The following BBS5 variants were observed in gnomAD, a reference collection of about 807,000 sequenced individuals.
BBS5 encodes the protein Bardet-Biedl syndrome 5.
In BBS5, 39 loss-of-function variants were observed where a neutral mutation model predicts 50.2. That is an observed-to-expected ratio of 0.78 (90% CI 0.60 to 1.01). BBS5 has a LOEUF of 1.01. Ranked by LOEUF, BBS5 falls within the 50% of genes least tolerant of loss-of-function variation. The probability of loss-of-function intolerance (pLI) is 0.00; values close to 1 mark genes in which losing one functional copy is unlikely to be tolerated. For missense variants in BBS5, 356 were observed against 401.5 expected (o/e 0.89, Z 0.97); for synonymous variants, 134 against 133.1 (o/e 1.01, Z -0.05).
At position 169,504,334 on chromosome 2, in the gene BBS5, C is replaced by T. The variant is rs372800671; in HGVS notation, c.924+8C>T. On this transcript the variant is annotated splice_region_variant and intron_variant, in intron 11 of 11. Transcript: ENST00000295240. ...TTTGCTGATGGCAATAAGGTAAGGA[C>T]ATTTATTTTACCTACAGTATATGAA... 1 of 1,611,858 alleles carries T rather than the reference C, an allele frequency of 6.2e-7. No individual in the cohort carries two copies. The highest frequency in any genetic ancestry group is 8.5e-7 in the Non-Finnish European group (1 of 1,178,032).
intron 5 of BBS5, among the ~76,000 whole-genome samples, chr2:169,492,101 A>G (rs1188404242): frequency 4.6e-5 from 7 of 152,026 alleles, no homozygotes; most frequent in Non-Finnish European, 8.8e-5. Context: ...CCGGCCGAGA[A>G]AAAGTATTAA....
intron 5 of BBS5, among the ~76,000 whole-genome samples, chr2:169,490,351 G>A (rs1238662154): frequency 2.0e-5 from 3 of 151,644 alleles, no homozygotes; most frequent in East Asian, 1.9e-4. Flanking sequence ...CTGCCACCAC[G>A]CCCGGCTAAT....
rs1683858715 is a variant in BBS5 at position 169,504,199 on chromosome 2, A to G, written c.901-104A>G. 18 of 1,014,022 alleles carry G rather than the reference A, an allele frequency of 1.8e-5. No individual in the cohort carries two copies. The Admixed American group carries it at 2.5e-4, about 14-fold the overall frequency. 62.8% of individuals were successfully genotyped at this position (1,014,022 alleles called of 1,614,324 possible). A position where few individuals can be genotyped will look rare whatever the true frequency, so the allele number is the denominator to read the frequency against. On this transcript the variant is annotated intron_variant, in intron 10 of 11. Coordinates refer to ENST00000295240, the MANE Select transcript of BBS5 (RefSeq NM_152384.3). ...ATTACACAGTAACAGAATGTGAAATACATTTAGTTATAAAATCATTCTGCA... is the reference window on the plus strand; with the variant it reads ...ATTACACAGTAACAGAATGTGAAATGCATTTAGTTATAAAATCATTCTGCA...
chr2:169,486,417 A>G (rs1256287501), intron 2 of BBS5, among the ~76,000 whole-genome samples: 1 of 152,158 alleles, frequency 6.6e-6, no homozygotes, highest in African/African-American at 2.4e-5. Context: ...TTCTTGGAGC[A>G]TCAGTAAGAG....
intron 4 of BBS5, 45 bp from the exon 5 acceptor site, chr2:169,487,940 GAA>G: frequency 2.5e-6 from 4 of 1,608,510 alleles, no homozygotes; most frequent in Non-Finnish European, 3.4e-6. Context: ...CTATAAAGGA[GAA>G]ATTGCTCTTA....
At position 169,488,097 on chromosome 2, in the gene BBS5, T is replaced by C; in HGVS notation, c.369T>C (p.Ser123=). The change falls in exon 5 of 12, where the codon TCT becomes TCC. Residue 123 remains serine (S), a synonymous_variant. Coordinates refer to ENST00000295240, the MANE Select transcript of BBS5 (RefSeq NM_152384.3). The part of the protein sequence containing the change: ...LVPGSPRLFT[S]VMAVHRAYET... ...CTGGAAGCCCTAGACTTTTTACTTCTGTGATGGCAGTACACAGGTATAGTA... is the reference window on the plus strand; with the variant it reads ...CTGGAAGCCCTAGACTTTTTACTTCCGTGATGGCAGTACACAGGTATAGTA... 1 of 1,613,322 alleles carries C rather than the reference T, an allele frequency of 6.2e-7. No homozygotes were observed. The highest frequency in any genetic ancestry group is 8.5e-7 in the Non-Finnish European group (1 of 1,179,424).
intron 10 of BBS5, 111 bp from the exon 11 acceptor site, chr2:169,504,192 G>T: frequency 1.0e-6 from 1 of 974,838 alleles, no homozygotes; most frequent in Non-Finnish European, 1.6e-6. Context: ...GTAACAGAAT[G>T]TGAAATACAT....
At chr2:169,499,805 G>A (rs762150305) in intron 9 of BBS5, among the ~76,000 whole-genome samples, 185 bp downstream of exon 9, 19 of 152,212 alleles carry the variant, frequency 1.2e-4, no homozygotes, top group Admixed American at 2.0e-4. Flanking sequence ...TGTCTTCTAA[G>A]TGGCTGCTTC....
At chr2:169,495,118 G>A (rs1434426233) in intron 7 of BBS5, among the ~76,000 whole-genome samples, 1 of 152,028 alleles carries the variant, frequency 6.6e-6, no homozygotes, top group Non-Finnish European at 1.5e-5. Flanking sequence ...GCCATCAAGG[G>A]GCTTTCAGTC....
chr2:169,495,420 A>G (rs1683675645), intron 7 of BBS5, among the ~76,000 whole-genome samples: 1 of 152,226 alleles, frequency 6.6e-6, no homozygotes. Context: ...AGAGTTGTCA[A>G]ATATGGCGTC....
intron 7 of BBS5, among the ~76,000 whole-genome samples, chr2:169,496,549 C>T (rs939844797): frequency 6.7e-6 from 1 of 148,976 alleles, no homozygotes; most frequent in African/African-American, 2.5e-5. Flanking sequence ...TCCTGACTAA[C>T]ACAGTGAAAC....
At chr2:169,498,982 C>T (rs1559125186) in intron 8 of BBS5, 1 of 164,126 alleles carries the variant, frequency 6.1e-6, no homozygotes, top group Non-Finnish European at 1.3e-5. Flanking sequence ...TTTCAAAACA[C>T]TGTATCATGG....
In BBS5 at chr2:169,479,517, C is replaced by T. The variant is rs373712659; in HGVS notation, c.-37C>T. On this transcript the variant is annotated 5_prime_UTR_variant, in exon 1 of 12. In the 5' UTR this introduces an upstream ATG that the reference lacks. Transcript: ENST00000295240. ...CCAGAGAGACGCAGCTAGGCCTGCA[C>T]GGCTGTGGAGAGATCCTGCCACGGG... 5 of 1,612,620 alleles carry T rather than the reference C, an allele frequency of 3.1e-6. No homozygotes were observed. Among genetic ancestry groups the T allele is most frequent in the African/African-American group, 1.3e-5 (1 of 75,046 alleles).
rs1366078296 is a variant in BBS5 at position 169,506,175 on chromosome 2, G to T, written c.*1593G>T. The T allele has an allele frequency of 6.7e-6, 1 of 149,904 alleles. No individual in the cohort carries two copies. The highest frequency in any genetic ancestry group is 1.5e-5 in the Non-Finnish European group (1 of 68,220). 9.3% of individuals were successfully genotyped at this position (149,904 alleles called of 1,614,324 possible). On this transcript the variant is annotated 3_prime_UTR_variant, in exon 12 of 12. Coordinates refer to ENST00000295240, the MANE Select transcript of BBS5 (RefSeq NM_152384.3). ...GGCCAGCCGCCCGGTCCGGGAGGGA[G>T]GTGGGGGGGTCAGCCCCCCGCCCGG... is the stretch of plus-strand genomic sequence containing the variant.
At chr2:169,501,278 C>T (rs1304445586) in intron 9 of BBS5, among the ~76,000 whole-genome samples, 1 of 152,204 alleles carries the variant, frequency 6.6e-6, no homozygotes, top group Admixed American at 6.5e-5. Flanking sequence ...TCATTTTACA[C>T]TTTCAGTCAT....
At chr2:169,491,636 C>A (rs1242740924) in intron 5 of BBS5, among the ~76,000 whole-genome samples, 1 of 151,986 alleles carries the variant, frequency 6.6e-6, no homozygotes, top group African/African-American at 2.4e-5. Flanking sequence ...CCTCCCTCCC[C>A]CTGTCCTTTT....
chr2:169,497,599 A>G (rs773109572), intron 7 of BBS5, 28 bp from the exon 8 acceptor site: 3 of 1,368,618 alleles, frequency 2.2e-6, no homozygotes, highest in South Asian at 1.2e-5. Flanking sequence ...AAAAACTTGC[A>G]TGTTTTTCTT....
intron 5 of BBS5, among the ~76,000 whole-genome samples, chr2:169,490,608 GATGT>G (rs1683579737): frequency 6.6e-6 from 1 of 151,934 alleles, no homozygotes; most frequent in African/African-American, 2.4e-5. Context: ...TAATTTTATT[GATGT>G]TTTAGTCTAT....
chr2:169,481,023 C>G (rs1448752025), intron 1 of BBS5, among the ~76,000 whole-genome samples: 1 of 152,062 alleles, frequency 6.6e-6, no homozygotes, highest in African/African-American at 2.4e-5. Context: ...AACAAAAGTC[C>G]GTTTCAGTAA....
Sources: gnomAD v4.1 joint callset for allele counts (sites outside exome capture counted in the v4.1 genomes callset) on GRCh38, gnomAD v4.1.1 for gene constraint, MANE v1.5 for transcripts, NCBI Gene and HGNC (gene_info 2026-07-23, HGNC 2026-07-21) for gene names.